THSD7A: variants seen among roughly 807,000 people sequenced by gnomAD.
THSD7A encodes the protein thrombospondin type-1 domain-containing protein 7A.
Under a neutral mutation model 231.3 loss-of-function variants are expected in THSD7A, and 96 were observed. The observed-to-expected ratio is 0.41, with a 90% CI of 0.35 to 0.49. THSD7A has a LOEUF of 0.49. Among genes scored for constraint, THSD7A ranks in the 20% least tolerant of loss-of-function variants. The pLI, the probability that THSD7A is intolerant of heterozygous loss-of-function variation, is 0.05. For synonymous variants in THSD7A, 940 were observed against 743.3 expected, an observed-to-expected ratio of 1.26 and a Z score of -4.30; for missense variants, 2,290 against 2,070.2, an observed-to-expected ratio of 1.11 and a Z score of -2.06.
At position 11,375,898 on chromosome 7, in the gene THSD7A, T is replaced by C. The variant is rs1193011222; in HGVS notation, c.4890-20A>G. On this transcript the variant is annotated intron_variant, in intron 27 of 27. Coordinates refer to ENST00000423059, the MANE Select transcript of THSD7A (RefSeq NM_015204.3). ...TTTTTGCTGTAAAAAAATTCGGAAT[T>C]AGGAGAAAGAAAATCAGTTTCTAAT... 2.5e-6 allele frequency: 4 copies of C among 1,607,852 alleles called. No homozygotes were observed. The highest frequency in any genetic ancestry group is 2.7e-5 in the African/African-American group (2 of 74,604).
chr7:11,514,322 G>A (rs947552972), intron 6 of THSD7A, among the ~76,000 whole-genome samples: 6 of 152,096 alleles, frequency 3.9e-5, no homozygotes, highest in Non-Finnish European at 7.3e-5. Context: ...TTTAAATCCT[G>A]TTATACCCTC....
intron 15 of THSD7A, among the ~76,000 whole-genome samples, chr7:11,425,539 G>T (rs767385059): frequency 5.3e-5 from 8 of 152,140 alleles, no homozygotes; most frequent in Non-Finnish European, 8.8e-5. Flanking sequence ...CCCACATTTG[G>T]GGTGGTATGC....
intron 7 of THSD7A, among the ~76,000 whole-genome samples, chr7:11,479,719 C>T (rs78569601): frequency 1.0e-3 from 156 of 152,236 alleles, no homozygotes; most frequent in African/African-American, 3.6e-3. Context: ...ACAAATTTCT[C>T]ATAAAACATG....
rs1784628664 is a variant in THSD7A, at chr7:11,814,750, T to C, written c.190+17007A>G. The stretch of plus-strand genomic sequence containing the variant: ...TTAGCAGCAGTCAAAGCTCTCCTTA[T>C]GAATTATTTGATTTCATAAATCCAA... On this transcript the variant is annotated intron_variant, in intron 1 of 27. Coordinates refer to ENST00000423059, the MANE Select transcript of THSD7A (RefSeq NM_015204.3). This position sits in a 1 kb window ranked among gnomAD's most constrained non-coding sequence, Gnocchi z 5.1. Among the ~76,000 whole-genome samples the C allele has an allele frequency of 6.6e-6, 1 of 152,194 alleles. No homozygotes were observed. The highest frequency in any genetic ancestry group is 2.1e-4 in the South Asian group (1 of 4,834).
At chr7:11,579,472 GC>G (rs1466142230) in intron 4 of THSD7A, among the ~76,000 whole-genome samples, 1 of 152,180 alleles carries the variant, frequency 6.6e-6, no homozygotes, top group African/African-American at 2.4e-5. Flanking sequence ...TGAAATAAGT[GC>G]TTAAGGGTTA....
chr7:11,403,031 A>G (rs1177483510), intron 22 of THSD7A, among the ~76,000 whole-genome samples: 2 of 152,192 alleles, frequency 1.3e-5, no homozygotes, highest in Non-Finnish European at 2.9e-5. Context: ...CCATTTTAAG[A>G]ACAGAAAAGA....
intron 6 of THSD7A, among the ~76,000 whole-genome samples, chr7:11,519,477 C>T (rs1788173244): frequency 1.3e-5 from 2 of 152,148 alleles, no homozygotes; most frequent in South Asian, 2.1e-4. Context: ...ATGTTCACTT[C>T]GCTAGGTACT....
At chr7:11,468,381 T>C (rs2128300424) in intron 9 of THSD7A, among the ~76,000 whole-genome samples, 1 of 151,498 alleles carries the variant, frequency 6.6e-6, no homozygotes, top group Admixed American at 6.6e-5. Context: ...ACCGGTGTTA[T>C]TCAGCTTAAA....
chr7:11,708,505 A>C (rs1780843082), intron 1 of THSD7A, among the ~76,000 whole-genome samples: 1 of 150,892 alleles, frequency 6.6e-6, no homozygotes, highest in Non-Finnish European at 1.5e-5. Context: ...TTGAGAGAAC[A>C]AAGTACAAGT....
intron 14 of THSD7A, 153 bp downstream of exon 14, chr7:11,428,794 A>T: frequency 1.3e-6 from 1 of 788,982 alleles, no homozygotes; most frequent in Non-Finnish European, 2.0e-6. Context: ...TTGAAATTTT[A>T]ATAACATGTA....
chr7:11,702,679 G>T (rs927650989), intron 1 of THSD7A, among the ~76,000 whole-genome samples: 2 of 151,082 alleles, frequency 1.3e-5, no homozygotes, highest in African/African-American at 4.8e-5. Context: ...GGAATCTTGG[G>T]GAGTCATTTT....
At chr7:11,564,960 A>G (rs747356315) in intron 4 of THSD7A, among the ~76,000 whole-genome samples, 1 of 152,200 alleles carries the variant, frequency 6.6e-6, no homozygotes, top group Non-Finnish European at 1.5e-5. Context: ...CACAAATTGT[A>G]TCAACAGCTT....
intron 4 of THSD7A, among the ~76,000 whole-genome samples, chr7:11,570,552 T>G (rs528388202): frequency 3.8e-4 from 58 of 152,340 alleles, no homozygotes; most frequent in African/African-American, 1.4e-3. Context: ...AAATACCCTG[T>G]TTTGATCATT....
intron 16 of THSD7A, among the ~76,000 whole-genome samples, chr7:11,423,493 C>T (rs569808492): frequency 6.6e-6 from 1 of 151,636 alleles, no homozygotes; most frequent in Non-Finnish European, 1.5e-5. Flanking sequence ...CTCAGCCTCC[C>T]GAGTAGCTGG....
At chr7:11,545,058 C>T (rs1466397211) in intron 4 of THSD7A, among the ~76,000 whole-genome samples, 1 of 152,092 alleles carries the variant, frequency 6.6e-6, no homozygotes, top group Non-Finnish European at 1.5e-5. Flanking sequence ...AAAAACTTGA[C>T]ACCAATGATA....
At chr7:11,646,345 T>C (rs1268292956) in intron 1 of THSD7A, among the ~76,000 whole-genome samples, 3 of 152,024 alleles carry the variant, frequency 2.0e-5, no homozygotes. Context: ...CAGCAGAGTA[T>C]TTATGAAATA....
chr7:11,771,858 A>T (rs894203689), intron 1 of THSD7A, among the ~76,000 whole-genome samples: 1 of 152,098 alleles, frequency 6.6e-6, no homozygotes, highest in Admixed American at 6.6e-5. Context: ...TGTGACGGTG[A>T]GTGAATTCTC....
intron 2 of THSD7A, among the ~76,000 whole-genome samples, chr7:11,624,878 G>C (rs1251935239): frequency 1.3e-5 from 2 of 152,076 alleles, no homozygotes; most frequent in African/African-American, 4.8e-5. Context: ...TGACTACTAT[G>C]TTCTCCTTCA....
chr7:11,590,618 C>A lies in THSD7A; in HGVS notation c.1295G>T (p.Trp432Leu). Residue 432 changes from tryptophan to leucine, a missense_variant, in exon 4 of 28, where the codon TGG becomes TTG. Transcript: ENST00000423059. This position sits in a 1 kb window ranked among gnomAD's most constrained non-coding sequence, Gnocchi z 4.4. Reference sequence around the variant, plus strand: ...CAAAGGGTCCACACGGCACTCAGTCCACTCTGTAGTTCTCCAGCCATACCT... The same window carrying A: ...CAAAGGGTCCACACGGCACTCAGTCAACTCTGTAGTTCTCCAGCCATACCT... ...CATYGWRTTE[W>L]TECRVDPLLS... The A allele has an allele frequency of 1.9e-6, 3 of 1,611,556 alleles. No individual in the cohort carries two copies. Among genetic ancestry groups the A allele is most frequent in the Non-Finnish European group, 2.5e-6 (3 of 1,178,870 alleles).
Sources: gnomAD v4.1 joint callset for allele counts (sites outside exome capture counted in the v4.1 genomes callset) on GRCh38, gnomAD v4.1.1 for gene constraint, Gnocchi (gnomAD v3.1) non-coding constraint, MANE v1.5 for transcripts, NCBI Gene and HGNC (gene_info 2026-07-23, HGNC 2026-07-21) for gene names.